TRPM6: variants seen among roughly 807,000 people sequenced by gnomAD.
The protein encoded by TRPM6 is transient receptor potential cation channel subfamily M member 6.
In TRPM6, 111 loss-of-function variants were observed where a neutral mutation model predicts 247.6. The ratio of observed to expected loss-of-function variants is 0.45; its 90% CI spans 0.38 to 0.52. The LOEUF (loss-of-function observed/expected upper bound fraction) is 0.52, where lower values mean the gene tolerates loss of function less well. Among genes scored for constraint, TRPM6 ranks in the 20% least tolerant of loss-of-function variants. The probability of loss-of-function intolerance (pLI) is 0.00; values close to 1 mark genes in which losing one functional copy is unlikely to be tolerated. For missense variants in TRPM6, 2,126 were observed against 2,421.5 expected (o/e 0.88, Z 2.56); for synonymous variants, 892 against 853.8 (o/e 1.04, Z -0.78).
At position 74,739,831 on chromosome 9, in the gene TRPM6, G is replaced by A. The variant is rs768878027; in HGVS notation, c.5379C>T (p.Asp1793=). 6.8e-6 allele frequency: 11 copies of A among 1,614,054 alleles called. No individual in the cohort carries two copies. The highest frequency in any genetic ancestry group is 2.5e-6 in the Non-Finnish European group (3 of 1,180,042). The change falls in exon 34 of 39, where the codon GAC becomes GAT. Residue 1793 remains aspartate, a synonymous_variant. Coordinates refer to ENST00000360774, the MANE Select transcript of TRPM6 (RefSeq NM_017662.5). ...MRVVSTWSED[D]ILKPGQVFIV... is the part of the protein sequence containing the mutation. ...TGAAAACTTGTCCCGGCTTGAGAAT[G>A]TCATCCTCAGACCAAGTGCTGACGA...
intron 23 of TRPM6, among the ~76,000 whole-genome samples, chr9:74,781,235 G>A (rs1179630794): frequency 6.6e-6 from 1 of 151,922 alleles, no homozygotes; most frequent in Non-Finnish European, 1.5e-5. Context: ...AGTGAGAAGT[G>A]ACAGAGAAGA....
intron 32 of TRPM6, 126 bp from the exon 33 acceptor site, chr9:74,742,752 T>C (rs1825904659): frequency 1.2e-6 from 1 of 840,512 alleles, no homozygotes; most frequent in Non-Finnish European, 1.9e-6. Context: ...TTTGCCATTA[T>C]CAAAAATATA....
intron 28 of TRPM6, 34 bp from the exon 29 acceptor site, chr9:74,752,402 A>G (rs749881008): frequency 8.3e-6 from 10 of 1,199,336 alleles, no homozygotes; most frequent in Non-Finnish European, 1.2e-5. Context: ...TAGAAAATAC[A>G]TGAAAATGTG....
intron 8 of TRPM6, 73 bp downstream of exon 8, chr9:74,821,596 G>T: frequency 6.5e-7 from 1 of 1,527,322 alleles, no homozygotes; most frequent in Non-Finnish European, 9.1e-7. Flanking sequence ...TCACATAAAT[G>T]CACAGCCAAA....
At chr9:74,830,028 G>A (rs1468164099) in intron 6 of TRPM6, among the ~76,000 whole-genome samples, 1 of 152,110 alleles carries the variant, frequency 6.6e-6, no homozygotes, top group Non-Finnish European at 1.5e-5. Context: ...CTACTCTGGA[G>A]GCTGACATGG....
chr9:74,763,550 C>A (rs1826726034), intron 25 of TRPM6, among the ~76,000 whole-genome samples: 1 of 151,516 alleles, frequency 6.6e-6, no homozygotes, highest in African/African-American at 2.4e-5. Flanking sequence ...TGTAGGAGAT[C>A]CTGAGGAAGA....
Position 74,785,725 on chromosome 9 carries a change from C to A in TRPM6, c.2919+149G>T, listed in dbSNP as rs113730181. 493 of 871,834 alleles carry A rather than the reference C, an allele frequency of 5.7e-4. 4 individuals are homozygous for A. The highest frequency in any genetic ancestry group is 3.6e-3 in the South Asian group (249 of 69,148). The allele number at this position is 871,834 out of a possible 1,614,324, so 54.0% of individuals were successfully genotyped here. The stretch of plus-strand genomic sequence containing the variant: ...TTTTTAGTAGAGACGGGGTTTCACC[C>A]TGTTAGCCAGGATGTTCTTGATCTC... On this transcript the variant is annotated intron_variant, in intron 21 of 38. Coordinates refer to ENST00000360774, the MANE Select transcript of TRPM6 (RefSeq NM_017662.5).
chr9:74,868,978 A>G (rs751494920), intron 1 of TRPM6, among the ~76,000 whole-genome samples: 11 of 152,230 alleles, frequency 7.2e-5, no homozygotes, highest in Non-Finnish European at 4.4e-5. Flanking sequence ...GAAGGGAGAC[A>G]GTTTCTCAGT....
chr9:74,862,957 G>A (rs1239245580), intron 1 of TRPM6, among the ~76,000 whole-genome samples: 1 of 151,862 alleles, frequency 6.6e-6, no homozygotes, highest in African/African-American at 2.4e-5. Flanking sequence ...CTCCAGCCTG[G>A]GTGACAGAAC....
chr9:74,844,444 T>A (rs946668630), intron 3 of TRPM6, among the ~76,000 whole-genome samples: 2 of 152,240 alleles, frequency 1.3e-5, no homozygotes, highest in Non-Finnish European at 2.9e-5. Context: ...TCTGTTAGCA[T>A]TTATTGCTTC....
In TRPM6 at chr9:74,752,131, A is replaced by C; in HGVS notation, c.4998+146T>G. 1.5e-5 allele frequency: 9 copies of C among 604,764 alleles called. No individual in the cohort carries two copies. In the South Asian group the frequency reaches 1.8e-4, roughly 12 times the overall value. 37.5% of individuals were successfully genotyped at this position (604,764 alleles called of 1,614,324 possible). A position where few individuals can be genotyped will look rare whatever the true frequency, so the allele number is the denominator to read the frequency against. ...ATTGAAAAAATAGAACAGAAATTCA[A>C]CTGAGCATAGCTTCAAAACAAAGAT... is the stretch of plus-strand genomic sequence containing the variant. On this transcript the variant is annotated intron_variant, in intron 29 of 38. Transcript: ENST00000360774.
chr9:74,821,519 G>T, intron 8 of TRPM6, 150 bp downstream of exon 8: 2 of 949,036 alleles, frequency 2.1e-6, no homozygotes, highest in Non-Finnish European at 3.3e-6. Flanking sequence ...TTTTGATGTT[G>T]AACAACAAAC....
intron 7 of TRPM6, among the ~76,000 whole-genome samples, chr9:74,825,121 G>T (rs554153500): frequency 7.5e-4 from 114 of 152,250 alleles, no homozygotes; most frequent in Non-Finnish European, 1.4e-3. Context: ...AATTAGCCGG[G>T]TGTGGTGGCA....
intron 18 of TRPM6, among the ~76,000 whole-genome samples, chr9:74,794,243 T>C (rs1828010331): frequency 6.6e-6 from 1 of 152,226 alleles, no homozygotes; most frequent in Non-Finnish European, 1.5e-5. Flanking sequence ...AACTAGTCCA[T>C]TCTTGCAACG....
At chr9:74,726,546 G>A (rs1825332617) in intron 38 of TRPM6, among the ~76,000 whole-genome samples, 1 of 152,070 alleles carries the variant, frequency 6.6e-6, no homozygotes, top group Non-Finnish European at 1.5e-5. Context: ...ACACCTACCA[G>A]TGTAGTATAA....
Position 74,762,819 on chromosome 9 carries a change from C to A in TRPM6, c.3852G>T (p.Arg1284Ser), listed in dbSNP as rs1475676841. The A allele has an allele frequency of 6.2e-7, 1 of 1,614,148 alleles. No individual in the cohort carries two copies. The highest frequency in any genetic ancestry group is 1.7e-5 in the Admixed American group (1 of 60,018). The change falls in exon 26 of 39, where the codon AGG becomes AGT. Residue 1284 changes from arginine (R) to serine (S), a missense_variant. Transcript: ENST00000360774. Reference sequence around the variant, plus strand: ...GGGGATGCCGGCCTCCAGCCAGGCTCCTCAGCAAAGAAGAGGGCATGCTAT... The same window carrying A: ...GGGGATGCCGGCCTCCAGCCAGGCTACTCAGCAAAGAAGAGGGCATGCTAT... ...QYYSMPSSLL[R>S]SLAGGRHPPR... is the part of the protein sequence containing the mutation.
At chr9:74,839,124 A>G (rs565730274) in intron 5 of TRPM6, among the ~76,000 whole-genome samples, 3 of 151,836 alleles carry the variant, frequency 2.0e-5, no homozygotes, top group South Asian at 4.2e-4. Context: ...AAAAAAAAAA[A>G]AAAGAAAAAG....
At chr9:74,859,583 G>A (rs1178339105) in intron 1 of TRPM6, among the ~76,000 whole-genome samples, 2 of 152,078 alleles carry the variant, frequency 1.3e-5, no homozygotes, top group Admixed American at 1.3e-4. Context: ...GACCAGCCTG[G>A]CCATCATGGT....
At chr9:74,790,996 G>A (rs1827880154) in intron 19 of TRPM6, among the ~76,000 whole-genome samples, 1 of 152,132 alleles carries the variant, frequency 6.6e-6, no homozygotes, top group African/African-American at 2.4e-5. Context: ...GACTCTATTT[G>A]TTTCTTTCCA....
Sources: allele counts gnomAD v4.1 joint callset (sites outside exome capture counted in the v4.1 genomes callset), GRCh38; gene constraint gnomAD v4.1.1; transcripts MANE v1.5; gene names NCBI Gene and HGNC (gene_info 2026-07-23, HGNC 2026-07-21).